Variants in CNTNAP5 observed in about 807,000 individuals in gnomAD.
The protein encoded by CNTNAP5 is contactin-associated protein-like 5.
Under a neutral mutation model 150.2 loss-of-function variants are expected in CNTNAP5, and 72 were observed. The observed-to-expected ratio is 0.48, with a 90% confidence interval of 0.40 to 0.58. The LOEUF (loss-of-function observed/expected upper bound fraction) is 0.58. Ranked by LOEUF, CNTNAP5 falls within the 20% of genes least tolerant of loss-of-function variation. CNTNAP5 has a pLI of 0.00. For missense variants in CNTNAP5, 1,636 were observed against 1,626.2 expected, an observed-to-expected ratio of 1.01 and a Z score of -0.10; for synonymous variants, 672 against 619.8, an observed-to-expected ratio of 1.08 and a Z score of -1.25.
chr2:124,564,392 G>A (rs754046507), intron 11 of CNTNAP5, among the ~76,000 whole-genome samples: 1 of 152,088 alleles, frequency 6.6e-6, no homozygotes, highest in African/African-American at 2.4e-5. Flanking sequence ...TTTTGCTCTT[G>A]TTGCCCAGGC....
chr2:124,786,437 AGG>A (rs1359898898), intron 17 of CNTNAP5, among the ~76,000 whole-genome samples: 1,341 of 119,300 alleles, frequency 0.011, 43 homozygotes, highest in East Asian at 0.028. Context: ...GAAGGAAGGA[AGG>A]AAGGAAGGAA....
intron 1 of CNTNAP5, among the ~76,000 whole-genome samples, chr2:124,127,349 C>T (rs1309341844): frequency 2.0e-5 from 3 of 152,104 alleles, no homozygotes; most frequent in Non-Finnish European, 4.4e-5. Context: ...ATCCAACTTA[C>T]AAGGGATGTG....
chr2:124,127,478 T>A (rs961342385), intron 1 of CNTNAP5, among the ~76,000 whole-genome samples: 31 of 152,236 alleles, frequency 2.0e-4, no homozygotes, highest in Non-Finnish European at 4.4e-4. Context: ...AAAATGGCCA[T>A]ACTGCCCAAG....
intron 7 of CNTNAP5, among the ~76,000 whole-genome samples, chr2:124,494,510 T>G: frequency 6.6e-6 from 1 of 152,174 alleles, no homozygotes; most frequent in East Asian, 1.9e-4. Flanking sequence ...GACTCACATG[T>G]CTCCTCTGGA....
intron 19 of CNTNAP5, among the ~76,000 whole-genome samples, chr2:124,860,501 TTCTTTCCTTCCTTCC>T (rs1677500498): frequency 1.4e-5 from 1 of 71,314 alleles, no homozygotes; most frequent in Non-Finnish European, 3.0e-5. Context: ...CCTTCCTTCC[TTCTTTCCTTCCTTCC>T]TTCCTTCCTT....
intron 8 of CNTNAP5, among the ~76,000 whole-genome samples, chr2:124,518,904 G>A (rs1211211128): frequency 5.4e-5 from 8 of 147,836 alleles, no homozygotes; most frequent in South Asian, 2.2e-4. Context: ...CAGGAGAATC[G>A]CTTGAACCCA....
intron 4 of CNTNAP5, among the ~76,000 whole-genome samples, chr2:124,423,618 TTACAGGCATGAGCCAC>T (rs1408636051): frequency 2.7e-5 from 4 of 147,714 alleles, no homozygotes; most frequent in Non-Finnish European, 1.5e-5. Flanking sequence ...AGTGCTGGGA[TTACAGGCATGAGCCAC>T]TGCGCCCGGC....
At chr2:124,906,274 C>T (rs1247013326) in intron 22 of CNTNAP5, among the ~76,000 whole-genome samples, 3 of 151,964 alleles carry the variant, frequency 2.0e-5, no homozygotes, top group African/African-American at 7.3e-5. Context: ...TTTTCTAAAT[C>T]CATGGGATAT....
chr2:124,405,139 T>A (rs2104762555), intron 3 of CNTNAP5, among the ~76,000 whole-genome samples: 1 of 152,284 alleles, frequency 6.6e-6, no homozygotes, highest in South Asian at 2.1e-4. Flanking sequence ...CCTGCACTGA[T>A]TTTGCAGTGT....
chr2:124,764,023 C>T lies in CNTNAP5; in HGVS notation c.2409C>T (p.Leu803=). The T allele has an allele frequency of 6.2e-7, 1 of 1,613,378 alleles. No individual in the cohort carries two copies. The highest frequency in any genetic ancestry group is 2.2e-5 in the East Asian group (1 of 44,854). ...CATTTTATACAGAAGCCTCTTACCT[C>T]CACTTTCCTACCTTCCATGCGGAAT... is the stretch of plus-strand genomic sequence containing the variant. ...AVSFYTEASY[L]HFPTFHAEFS... The change falls in exon 16 of 24, where the codon CTC becomes CTT. Residue 803 remains leucine (L), a synonymous_variant. Coordinates refer to ENST00000682447, the MANE Select transcript of CNTNAP5 (RefSeq NM_001367498.1).
At chr2:124,223,082 A>C (rs1225462256) in intron 2 of CNTNAP5, among the ~76,000 whole-genome samples, 1 of 152,146 alleles carries the variant, frequency 6.6e-6, no homozygotes, top group Non-Finnish European at 1.5e-5. Flanking sequence ...TTTAGTCCTC[A>C]CAAAGTTGTT....
intron 12 of CNTNAP5, among the ~76,000 whole-genome samples, chr2:124,612,766 A>G (rs963119101): frequency 6.6e-6 from 1 of 152,286 alleles, no homozygotes; most frequent in South Asian, 2.1e-4. Flanking sequence ...GCAAAAATAA[A>G]AGCAGACCAG....
intron 3 of CNTNAP5, among the ~76,000 whole-genome samples, chr2:124,402,622 AT>A (rs1691457028): frequency 6.6e-6 from 1 of 152,184 alleles, no homozygotes; most frequent in South Asian, 2.1e-4. Context: ...CCAATCAGTC[AT>A]TCCCCTCTTG....
chr2:124,277,162 T>C (rs1192765988), intron 3 of CNTNAP5, among the ~76,000 whole-genome samples: 2 of 152,154 alleles, frequency 1.3e-5, no homozygotes, highest in Non-Finnish European at 1.5e-5. Context: ...GAAAAGAGAA[T>C]GCCTGCTAGT....
At chr2:124,555,695 A>G (rs1695737240) in intron 10 of CNTNAP5, among the ~76,000 whole-genome samples, 2 of 152,350 alleles carry the variant, frequency 1.3e-5, no homozygotes, top group African/African-American at 2.4e-5. Flanking sequence ...GGAAGCAACC[A>G]TGTTAACTTA....
chr2:124,441,018 C>T (rs540406998), intron 5 of CNTNAP5, among the ~76,000 whole-genome samples: 7 of 151,876 alleles, frequency 4.6e-5, no homozygotes, highest in Admixed American at 1.3e-4. Flanking sequence ...TGAAACATTT[C>T]TGAGGACCAC....
intron 1 of CNTNAP5, among the ~76,000 whole-genome samples, chr2:124,168,303 G>T (rs540351741): frequency 6.6e-6 from 1 of 152,282 alleles, no homozygotes; most frequent in Admixed American, 6.5e-5. Context: ...TAAAGAGTCT[G>T]CCCGGACGTT....
intron 3 of CNTNAP5, among the ~76,000 whole-genome samples, chr2:124,326,584 T>G (rs1689223873): frequency 6.6e-6 from 1 of 152,110 alleles, no homozygotes; most frequent in African/African-American, 2.4e-5. Context: ...TCAAATTTAT[T>G]AGTAGATGTG....
At chr2:124,797,656 T>C (rs1558779747) in intron 18 of CNTNAP5, among the ~76,000 whole-genome samples, 1 of 152,244 alleles carries the variant, frequency 6.6e-6, no homozygotes. Flanking sequence ...CTCCCTGAGA[T>C]ACCAGAGAAG....
Sources: allele counts gnomAD v4.1 joint callset (sites outside exome capture counted in the v4.1 genomes callset), GRCh38; gene constraint gnomAD v4.1.1; transcripts MANE v1.5; gene names NCBI Gene and HGNC (gene_info 2026-07-23, HGNC 2026-07-21).